The following CSF1R variants were observed in gnomAD, a reference collection of about 807,000 sequenced individuals.
CSF1R encodes the protein colony stimulating factor 1 receptor, also known as macrophage colony-stimulating factor 1 receptor.
In CSF1R, 40 loss-of-function variants were observed where a neutral mutation model predicts 110.0. That is an observed-to-expected ratio of 0.36 (90% CI 0.28 to 0.47). The LOEUF is 0.47. Ranked by LOEUF, CSF1R falls within the 20% of genes least tolerant of loss-of-function variation. The probability of loss-of-function intolerance (pLI) is 0.99; values close to 1 mark genes in which losing one functional copy is unlikely to be tolerated. For missense variants in CSF1R, 1,052 were observed against 1,253.0 expected, an observed-to-expected ratio of 0.84 and a Z score of 2.42; for synonymous variants, 523 against 503.4, an observed-to-expected ratio of 1.04 and a Z score of -0.52.
intron 1 of CSF1R, among the ~76,000 whole-genome samples, chr5:150,109,452 TG>T (rs1360749737): frequency 2.0e-5 from 3 of 152,206 alleles, no homozygotes; most frequent in African/African-American, 7.2e-5. Context: ...CAGCACTGAA[TG>T]GCACTGTGGG....
chr5:150,054,969 G>C, intron 19 of CSF1R: 1 of 418,024 alleles, frequency 2.4e-6, no homozygotes, highest in Non-Finnish European at 4.4e-6. Context: ...GCTCCAGCCC[G>C]GGCTACAGAG....
intron 14 of CSF1R, 118 bp from the exon 15 acceptor site, chr5:150,057,710 C>T (rs923060262): frequency 1.4e-6 from 1 of 700,256 alleles, no homozygotes; most frequent in Non-Finnish European, 2.5e-6. Flanking sequence ...TGATAAGAAA[C>T]CCTCCTGCCA....
At chr5:150,069,164 A>G (rs754276235) in intron 9 of CSF1R, among the ~76,000 whole-genome samples, 5 of 152,144 alleles carry the variant, frequency 3.3e-5, no homozygotes, top group African/African-American at 1.2e-4. Context: ...CAGTTGCTCC[A>G]AGGCCAGCAG....
At chr5:150,107,763 C>T (rs1202058729) in intron 1 of CSF1R, among the ~76,000 whole-genome samples, 13 of 152,242 alleles carry the variant, frequency 8.5e-5, no homozygotes, top group South Asian at 6.2e-4. Flanking sequence ...GCCAGGTCCC[C>T]GGCCTTTCAA....
intron 1 of CSF1R, among the ~76,000 whole-genome samples, chr5:150,102,700 G>A (rs182224793): frequency 1.3e-5 from 2 of 152,140 alleles, no homozygotes; most frequent in African/African-American, 4.8e-5. Flanking sequence ...GGCTGGTCTC[G>A]AACTCCAGAC....
chr5:150,081,855 G>C (rs1363602847), intron 1 of CSF1R, among the ~76,000 whole-genome samples: 1 of 152,184 alleles, frequency 6.6e-6, no homozygotes, highest in African/African-American at 2.4e-5. Context: ...CCCCTATCAG[G>C]CTGTCCGGGA....
chr5:150,096,886 A>T (rs1229264765), intron 1 of CSF1R, among the ~76,000 whole-genome samples: 3 of 152,218 alleles, frequency 2.0e-5, no homozygotes, highest in African/African-American at 7.2e-5. Flanking sequence ...CTCTAAGATG[A>T]GAAACAAGGC....
Position 150,053,414 on chromosome 5 carries a change from G to C in CSF1R, c.*655C>G. On this transcript the variant is annotated 3_prime_UTR_variant, in exon 21 of 21. Transcript: ENST00000675795. Reference sequence around the variant, plus strand: ...TTGGTGTGGCCAGCCACATGCCAAGGTCCCCTGCCTTCTAGCCCAGAATGA... The same window carrying C: ...TTGGTGTGGCCAGCCACATGCCAAGCTCCCCTGCCTTCTAGCCCAGAATGA... The C allele has an allele frequency of 4.3e-6, 1 of 234,450 alleles. No homozygotes were observed. Among genetic ancestry groups the C allele is most frequent in the Middle Eastern group, 1.3e-3 (1 of 786 alleles). 14.5% of individuals were successfully genotyped at this position (234,450 alleles called of 1,614,324 possible).
intron 14 of CSF1R, among the ~76,000 whole-genome samples, chr5:150,058,567 G>A (rs562132231): frequency 5.1e-4 from 78 of 152,298 alleles, no homozygotes; most frequent in Middle Eastern, 3.4e-3. Context: ...TTCCCCATCT[G>A]CGTATTTGAA....
chr5:150,063,677 C>T (rs1227069288), intron 10 of CSF1R, among the ~76,000 whole-genome samples: 1 of 152,034 alleles, frequency 6.6e-6, no homozygotes, highest in Non-Finnish European at 1.5e-5. Context: ...AATGGCTGCC[C>T]CTGTTTCTTG....
intron 1 of CSF1R, among the ~76,000 whole-genome samples, chr5:150,092,032 G>A (rs1240204483): frequency 6.6e-6 from 1 of 152,180 alleles, no homozygotes; most frequent in African/African-American, 2.4e-5. Context: ...ATTTAAAACA[G>A]ACATTGAAAA....
At chr5:150,094,375 T>A in intron 1 of CSF1R, 1 of 1,599,898 alleles carries the variant, frequency 6.3e-7, no homozygotes. Flanking sequence ...CGAAGGAATT[T>A]CGCAGAGCTG....
intron 1 of CSF1R, among the ~76,000 whole-genome samples, chr5:150,110,757 C>T (rs773999021): frequency 2.6e-5 from 4 of 151,952 alleles, no homozygotes; most frequent in African/African-American, 9.7e-5. Flanking sequence ...TAAATTTGTA[C>T]CACAGAGTTG....
At chr5:150,100,866 A>G (rs893175486) in intron 1 of CSF1R, among the ~76,000 whole-genome samples, 6 of 152,226 alleles carry the variant, frequency 3.9e-5, no homozygotes, top group Admixed American at 3.9e-4. Context: ...ATATAATAGT[A>G]TAATATAAAC....
Position 150,086,369 on chromosome 5 carries a change from C to G in CSF1R, c.49+10G>C. On this transcript the variant is annotated intron_variant, in intron 1 of 20. Transcript: ENST00000675795. Reference sequence around the variant, plus strand: ...CCAACAAAGTCCCCCACCCCCCGTTCTGCTCTTACCATGCCAAGCTGTGGC... The same window carrying G: ...CCAACAAAGTCCCCCACCCCCCGTTGTGCTCTTACCATGCCAAGCTGTGGC... The G allele has an allele frequency of 6.2e-7, 1 of 1,603,806 alleles. No individual in the cohort carries two copies. Among genetic ancestry groups the G allele is most frequent in the Non-Finnish European group, 8.5e-7 (1 of 1,175,054 alleles).
intron 11 of CSF1R, 52 bp downstream of exon 11, chr5:150,061,671 C>G (rs1351780159): frequency 1.2e-6 from 2 of 1,614,144 alleles, no homozygotes; most frequent in Non-Finnish European, 1.7e-6. Context: ...CTCCCTGCAA[C>G]CCCCACAGGC....
chr5:150,107,183 C>T (rs1253382588), intron 1 of CSF1R, among the ~76,000 whole-genome samples: 1 of 152,266 alleles, frequency 6.6e-6, no homozygotes, highest in African/African-American at 2.4e-5. Flanking sequence ...ATGTGTCAGG[C>T]CTTGTTCTGG....
At chr5:150,095,763 G>GAAAAAAAAAAA (rs57813822) in intron 1 of CSF1R, among the ~76,000 whole-genome samples, 1 of 121,842 alleles carries the variant, frequency 8.2e-6, no homozygotes, top group Non-Finnish European at 1.8e-5. Context: ...CATTTACCGA[G>GAAAAAAAAAAA]AAAAAAAAAA....
At chr5:150,099,949 A>G (rs1439251748) in intron 1 of CSF1R, among the ~76,000 whole-genome samples, 3 of 152,350 alleles carry the variant, frequency 2.0e-5, no homozygotes, top group East Asian at 3.9e-4. Flanking sequence ...AAGAAAATGA[A>G]AAAAGGGAAG....
Sources: allele counts gnomAD v4.1 joint callset (sites outside exome capture counted in the v4.1 genomes callset), GRCh38; gene constraint gnomAD v4.1.1; transcripts MANE v1.5; gene names NCBI Gene and HGNC (gene_info 2026-07-23, HGNC 2026-07-21).